The following DDHD1 variants were observed in gnomAD, a reference collection of about 807,000 sequenced individuals.
DDHD1 encodes the protein phospholipase DDHD1.
A neutral mutation model predicts 96.4 loss-of-function variants in DDHD1; 49 were observed. That is an observed-to-expected ratio of 0.51 (90% confidence interval 0.40 to 0.64). The LOEUF (loss-of-function observed/expected upper bound fraction) is 0.64, where lower values mean the gene tolerates loss of function less well. Ranked by LOEUF, DDHD1 falls within the 30% of genes least tolerant of loss-of-function variation. DDHD1 has a pLI of 0.00. For missense variants in DDHD1, 1,106 were observed against 1,161.2 expected (o/e 0.95, Z 0.69); for synonymous variants, 442 against 446.5 (o/e 0.99, Z 0.13).
At chr14:53,148,792 C>T (rs781466004) in intron 1 of DDHD1, among the ~76,000 whole-genome samples, 19 of 152,196 alleles carry the variant, frequency 1.2e-4, no homozygotes, top group Non-Finnish European at 2.5e-4. Context: ...CAACTGTGCA[C>T]TGGTTAACCT....
At chr14:53,144,580 G>A (rs1890852113) in intron 1 of DDHD1, among the ~76,000 whole-genome samples, 1 of 152,160 alleles carries the variant, frequency 6.6e-6, no homozygotes, top group Non-Finnish European at 1.5e-5. Flanking sequence ...ACAAACTTGG[G>A]TGCACTTAAT....
At chr14:53,120,450 T>C (rs1888900159) in intron 1 of DDHD1, among the ~76,000 whole-genome samples, 1 of 152,136 alleles carries the variant, frequency 6.6e-6, no homozygotes, top group African/African-American at 2.4e-5. Flanking sequence ...AAAAAATACT[T>C]TAAATTTTAT....
chr14:53,152,586 G>A lies in DDHD1; in HGVS notation c.513C>T (p.Phe171=). The change falls in exon 1 of 13, where the codon TTC becomes TTT. Residue 171 remains phenylalanine (F), a synonymous_variant. Coordinates refer to ENST00000673822, the MANE Select transcript of DDHD1 (RefSeq NM_001160148.2). The stretch of plus-strand genomic sequence containing the variant: ...TCCAGGTCTTCTTGTCCTCCTTGTA[G>A]AACCAGCGTACCTCCTCCGGGCCCA... ...TELGPEEVRW[F]YKEDKKTWKP... is the part of the protein sequence containing the mutation. 6.2e-7 allele frequency: 1 copy of A among 1,613,902 alleles called. No individual in the cohort carries two copies.
intron 1 of DDHD1, among the ~76,000 whole-genome samples, chr14:53,125,004 C>G (rs112847406): frequency 2.6e-5 from 4 of 152,144 alleles, no homozygotes; most frequent in African/African-American, 4.8e-5. Flanking sequence ...TCTCGTGTCT[C>G]TGTGTGCCCA....
At chr14:53,133,430 CT>C (rs1890015033) in intron 1 of DDHD1, among the ~76,000 whole-genome samples, 1 of 152,170 alleles carries the variant, frequency 6.6e-6, no homozygotes, top group African/African-American at 2.4e-5. Context: ...ACAGACCGGC[CT>C]TTATTAATCA....
At chr14:53,056,779 A>T (rs1397303469) in intron 9 of DDHD1, among the ~76,000 whole-genome samples, 1 of 152,186 alleles carries the variant, frequency 6.6e-6, no homozygotes, top group Admixed American at 6.5e-5. Flanking sequence ...TAATTTTTTT[A>T]AAAATCACAG....
At chr14:53,050,066 G>A (rs982769485) in intron 12 of DDHD1, among the ~76,000 whole-genome samples, 4 of 152,100 alleles carry the variant, frequency 2.6e-5, no homozygotes, top group Non-Finnish European at 4.4e-5. Flanking sequence ...ATAATATATG[G>A]TAGAATGTGA....
In DDHD1 at chr14:53,037,633, G is replaced by C. The variant is rs1372424005; in HGVS notation, c.*9135C>G. 6.6e-6 allele frequency: 1 copy of C among 152,060 alleles called. No homozygotes were observed. The highest frequency in any genetic ancestry group is 2.4e-5 in the African/African-American group (1 of 41,408). 9.4% of individuals were successfully genotyped at this position (152,060 alleles called of 1,614,324 possible). The stretch of plus-strand genomic sequence containing the variant: ...AGTTCCTTATTGATTCTGGATGTCA[G>C]ATCTTTGTTGGATGTCTAGTTTGCA... On this transcript the variant is annotated 3_prime_UTR_variant, in exon 13 of 13. Transcript: ENST00000673822.
intron 1 of DDHD1, among the ~76,000 whole-genome samples, chr14:53,136,535 T>C (rs925036747): frequency 6.6e-6 from 1 of 152,180 alleles, no homozygotes; most frequent in African/African-American, 2.4e-5. Flanking sequence ...ATTCTTTAGC[T>C]GAGTACTGGC....
intron 2 of DDHD1, among the ~76,000 whole-genome samples, chr14:53,101,194 T>G (rs1887268977): frequency 1.3e-5 from 2 of 152,158 alleles, no homozygotes; most frequent in African/African-American, 4.8e-5. Flanking sequence ...ATTATAATAT[T>G]TTTTAGTCTT....
chr14:53,071,397 A>C (rs1339793918), intron 6 of DDHD1, among the ~76,000 whole-genome samples: 1 of 152,084 alleles, frequency 6.6e-6, no homozygotes, highest in African/African-American at 2.4e-5. Flanking sequence ...TTCCACGGTT[A>C]TCTCTTCCTT....
chr14:53,122,581 A>T (rs1371880602), intron 1 of DDHD1, among the ~76,000 whole-genome samples: 1 of 63,106 alleles, frequency 1.6e-5, no homozygotes. Flanking sequence ...CTCTGCTAAT[A>T]GTTTTTTTTT....
intron 1 of DDHD1, among the ~76,000 whole-genome samples, chr14:53,131,693 C>T (rs1169893875): frequency 6.6e-6 from 1 of 152,154 alleles, no homozygotes; most frequent in Non-Finnish European, 1.5e-5. Flanking sequence ...TAGTCAAGCC[C>T]TTTTTCATGA....
At chr14:53,053,749 G>A (rs1448921521) in intron 11 of DDHD1, 1 of 152,054 alleles carries the variant, frequency 6.6e-6, no homozygotes, top group African/African-American at 2.4e-5. Flanking sequence ...TGACGTTTTA[G>A]TTTTATTTTA....
chr14:53,059,060 T>C (rs1883308029), intron 8 of DDHD1, among the ~76,000 whole-genome samples: 1 of 151,734 alleles, frequency 6.6e-6, no homozygotes, highest in South Asian at 2.1e-4. Flanking sequence ...TTTAAGAGAG[T>C]GAAAAAAATA....
Position 53,047,143 on chromosome 14 carries a change from A to G in DDHD1, c.2522-194T>C, listed in dbSNP as rs73292099. ...TCAGTAGTACAGGATTCTATTTGTA[A>G]AGTTCTTTCCTTTGTATGCTAAAGT... On this transcript the variant is annotated intron_variant, in intron 12 of 12. Coordinates refer to ENST00000673822, the MANE Select transcript of DDHD1 (RefSeq NM_001160148.2). Among the ~76,000 whole-genome samples, 4,775 of 152,238 alleles carry G rather than the reference A, an allele frequency of 0.031. 249 individuals are homozygous for G. Among genetic ancestry groups the G allele is most frequent in the African/African-American group, 0.11 (4,422 of 41,514 alleles).
In DDHD1 at chr14:53,045,904, A is replaced by G; in HGVS notation, c.*864T>C. ...ATTCAAAAGCATTTACTAGTTTTCTAATAAAGCTAATGAAATGTACCCATT... is the reference window on the plus strand; with the variant it reads ...ATTCAAAAGCATTTACTAGTTTTCTGATAAAGCTAATGAAATGTACCCATT... On this transcript the variant is annotated 3_prime_UTR_variant, in exon 13 of 13. Coordinates refer to ENST00000673822, the MANE Select transcript of DDHD1 (RefSeq NM_001160148.2). 6.6e-6 allele frequency: 1 copy of G among 152,236 alleles called. No homozygotes were observed. The highest frequency in any genetic ancestry group is 1.9e-4 in the East Asian group (1 of 5,200). 9.4% of individuals were successfully genotyped at this position (152,236 alleles called of 1,614,324 possible).
chr14:53,124,512 A>G (rs1056405573), intron 1 of DDHD1, among the ~76,000 whole-genome samples: 1 of 152,198 alleles, frequency 6.6e-6, no homozygotes, highest in African/African-American at 2.4e-5. Context: ...AAATACCTAT[A>G]CCTCAAAATA....
At position 53,054,676 on chromosome 14, in the gene DDHD1, C is replaced by A. The variant is rs770330075; in HGVS notation, c.2246-47G>T. ...AGTCATTCTGTTGAATCACACCACA[C>A]TCTAAGCTAAAGAGCACCACCCATA... On this transcript the variant is annotated intron_variant, in intron 10 of 12. Transcript: ENST00000673822. 2.0e-5 allele frequency: 31 copies of A among 1,579,196 alleles called. No individual in the cohort carries two copies. The South Asian group carries it at 3.4e-4, about 17-fold the overall frequency.
Sources: gnomAD v4.1 joint callset for allele counts (sites outside exome capture counted in the v4.1 genomes callset) on GRCh38, gnomAD v4.1.1 for gene constraint, MANE v1.5 for transcripts, NCBI Gene and HGNC (gene_info 2026-07-23, HGNC 2026-07-21) for gene names.